ROR2: variants seen among roughly 807,000 people sequenced by gnomAD.
ROR2 encodes tyrosine-protein kinase transmembrane receptor ROR2.
A neutral mutation model predicts 74.9 loss-of-function variants in ROR2; 33 were observed. That is an observed-to-expected ratio of 0.44 (90% confidence interval 0.33 to 0.59). ROR2 has a LOEUF of 0.59. ROR2 is among the 20% of genes least tolerant of loss of function. The pLI is 0.02. For synonymous variants in ROR2, 586 were observed against 558.7 expected (o/e 1.05, Z -0.69); for missense variants, 1,216 against 1,313.8 (o/e 0.93, Z 1.15).
intron 1 of ROR2, among the ~76,000 whole-genome samples, chr9:91,843,061 G>C (rs1828829928): frequency 6.6e-6 from 1 of 152,128 alleles, no homozygotes. Flanking sequence ...AGAACAACTA[G>C]AAGCAAAAAT....
intron 2 of ROR2, among the ~76,000 whole-genome samples, chr9:91,771,131 T>C (rs1251048550): frequency 6.6e-6 from 1 of 152,206 alleles, no homozygotes; most frequent in Non-Finnish European, 1.5e-5. Flanking sequence ...TCACCTATAA[T>C]TGCAACACAA....
At position 91,757,555 on chromosome 9, in the gene ROR2, G is replaced by A. The variant is rs760564516; in HGVS notation, c.180C>T (p.Tyr60=). Residue 60 remains tyrosine (Y), a synonymous_variant, in exon 3 of 9, where the codon TAC becomes TAT. Transcript: ENST00000375708. ...TTACTGGCTCCAGAAAATTCAGAAAGTAACCTGCCAAGGAGAGCGGTCACA... is the reference window on the plus strand; with the variant it reads ...TTACTGGCTCCAGAAAATTCAGAAAATAACCTGCCAAGGAGAGCGGTCACA... ...QDGPIPTLKG[Y]FLNFLEPVNN... 1.1e-5 allele frequency: 17 copies of A among 1,613,456 alleles called. No homozygotes were observed. Among genetic ancestry groups the A allele is most frequent in the Non-Finnish European group, 1.4e-5 (16 of 1,179,840 alleles).
intron 1 of ROR2, among the ~76,000 whole-genome samples, chr9:91,942,031 C>T (rs575314465): frequency 1.3e-5 from 2 of 152,172 alleles, no homozygotes; most frequent in East Asian, 1.9e-4. Context: ...CCTTGTGATC[C>T]GCTGGCCTCA....
At chr9:91,780,005 G>C (rs190806642) in intron 1 of ROR2, among the ~76,000 whole-genome samples, 2 of 152,284 alleles carry the variant, frequency 1.3e-5, no homozygotes, top group East Asian at 3.9e-4. Flanking sequence ...AAAGTGAAAG[G>C]GTTCACTGTT....
At position 91,853,760 on chromosome 9, in the gene ROR2, G is replaced by A. The variant is rs143650566; in HGVS notation, c.98-77942C>T. On this transcript the variant is annotated intron_variant, in intron 1 of 8. Coordinates refer to ENST00000375708, the MANE Select transcript of ROR2 (RefSeq NM_004560.4). ...CTGTGACAGTAGCGCATGAAGAGCC[G>A]AGTTGGTCAAATTTTCATGCATGAA... Among the ~76,000 whole-genome samples, 893 of 152,280 alleles carry A rather than the reference G, an allele frequency of 5.9e-3. 13 individuals carry two copies. Among genetic ancestry groups the A allele is most frequent in the African/African-American group, 0.02 (820 of 41,556 alleles).
At chr9:91,792,882 GAATT>G (rs1827047534) in intron 1 of ROR2, among the ~76,000 whole-genome samples, 1 of 152,080 alleles carries the variant, frequency 6.6e-6, no homozygotes, top group South Asian at 2.1e-4. Flanking sequence ...TAAAGAGGTT[GAATT>G]TATTAAAAAC....
chr9:91,944,858 C>T (rs1260659532), intron 1 of ROR2, among the ~76,000 whole-genome samples: 1 of 152,088 alleles, frequency 6.6e-6, no homozygotes, highest in Non-Finnish European at 1.5e-5. Flanking sequence ...TCAAGACCAG[C>T]CTGGGCAACA....
At chr9:91,847,100 T>C (rs2119237429) in intron 1 of ROR2, among the ~76,000 whole-genome samples, 1 of 152,194 alleles carries the variant, frequency 6.6e-6, no homozygotes, top group Middle Eastern at 3.4e-3. Flanking sequence ...AGATGGAGGA[T>C]GACTACAAGG....
intron 1 of ROR2, among the ~76,000 whole-genome samples, chr9:91,915,887 A>G (rs1429787369): frequency 6.6e-6 from 1 of 152,172 alleles, no homozygotes; most frequent in East Asian, 1.9e-4. Flanking sequence ...CTATAAAACG[A>G]AAAAGTTCTC....
intron 1 of ROR2, among the ~76,000 whole-genome samples, chr9:91,810,192 G>C (rs537925709): frequency 1.3e-5 from 2 of 152,282 alleles, no homozygotes; most frequent in South Asian, 4.2e-4. Flanking sequence ...GAATCAGAAT[G>C]GGGTCTATGG....
Position 91,733,336 on chromosome 9 carries a change from C to T in ROR2, c.723G>A (p.Ala241=), listed in dbSNP as rs749348043. ...FCHFVFPLCD[A]RSRTPKPREL... ...CACGCGGCTTGGGTGTCCGGGAGCG[C>T]GCGTCGCACAGAGGAAACACGAAGT... The change falls in exon 6 of 9, where the codon GCG becomes GCA. Residue 241 remains alanine (A), a synonymous_variant. Transcript: ENST00000375708. The surrounding 1 kb of genome is among the most constrained non-coding windows in gnomAD (Gnocchi z 5.7). The T allele has an allele frequency of 3.3e-5, 53 of 1,612,304 alleles. No homozygotes were observed. The highest frequency in any genetic ancestry group is 2.5e-4 in the East Asian group (11 of 44,868).
chr9:91,894,752 A>C (rs1365056597), intron 1 of ROR2, among the ~76,000 whole-genome samples: 2 of 152,174 alleles, frequency 1.3e-5, no homozygotes, highest in Non-Finnish European at 2.9e-5. Context: ...CTCCCCTGAA[A>C]GTTCCTCCTA....
In ROR2 at chr9:91,848,761, GAAGAAAAAA is replaced by G. The variant is rs796068317; in HGVS notation, c.98-72952_98-72944del. ...CAGAGTGAGACTCCGTCTCAGGGGG[GAAGAAAAAA>G]AAAAAAAAAAAAAAAACAGTTGGAC... is the stretch of plus-strand genomic sequence containing the variant. On this transcript the variant is annotated intron_variant, in intron 1 of 8. Coordinates refer to ENST00000375708, the MANE Select transcript of ROR2 (RefSeq NM_004560.4). Among the ~76,000 whole-genome samples, 392 of 96,630 alleles carry G rather than the reference GAAGAAAAAA, an allele frequency of 4.1e-3. 3 individuals carry two copies. Among genetic ancestry groups the G allele is most frequent in the African/African-American group, 0.016 (364 of 23,478 alleles). The allele number at this position is 96,630 out of a possible 152,430, so 63.4% of individuals were successfully genotyped here.
intron 1 of ROR2, among the ~76,000 whole-genome samples, chr9:91,837,302 G>T (rs1292465756): frequency 6.6e-6 from 1 of 152,146 alleles, no homozygotes; most frequent in Non-Finnish European, 1.5e-5. Context: ...TTGATCTCCT[G>T]ACCTCATGAT....
At chr9:91,860,567 C>G (rs1451519160) in intron 1 of ROR2, among the ~76,000 whole-genome samples, 1 of 152,226 alleles carries the variant, frequency 6.6e-6, no homozygotes, top group Non-Finnish European at 1.5e-5. Flanking sequence ...AGTCTGCAAG[C>G]TGGAGACCCG....
chr9:91,758,628 G>C (rs1825828283), intron 2 of ROR2, among the ~76,000 whole-genome samples: 1 of 152,184 alleles, frequency 6.6e-6, no homozygotes, highest in African/African-American at 2.4e-5. Context: ...ACCCAGAATG[G>C]GGAGTGAGTG....
At chr9:91,868,678 C>A (rs1829710100) in intron 1 of ROR2, among the ~76,000 whole-genome samples, 1 of 152,174 alleles carries the variant, frequency 6.6e-6, no homozygotes, top group Non-Finnish European at 1.5e-5. Context: ...ATTTAAAGTG[C>A]TCAAAGACAC....
At chr9:91,845,151 G>C (rs1057100018) in intron 1 of ROR2, among the ~76,000 whole-genome samples, 7 of 152,030 alleles carry the variant, frequency 4.6e-5, no homozygotes, top group African/African-American at 1.7e-4. Flanking sequence ...CCTCTGTCCA[G>C]CGACTCAAGA....
chr9:91,769,488 C>G (rs534269831), intron 2 of ROR2, among the ~76,000 whole-genome samples: 10 of 152,282 alleles, frequency 6.6e-5, no homozygotes, highest in South Asian at 2.1e-4. Flanking sequence ...CACCACCCCC[C>G]ACTCCTGCCC....
Sources: gnomAD v4.1 joint callset for allele counts (sites outside exome capture counted in the v4.1 genomes callset) on GRCh38, gnomAD v4.1.1 for gene constraint, Gnocchi (gnomAD v3.1) non-coding constraint, MANE v1.5 for transcripts, NCBI Gene and HGNC (gene_info 2026-07-23, HGNC 2026-07-21) for gene names.